The following KIAA0586 variants were observed in gnomAD, a reference collection of about 807,000 sequenced individuals.
The protein encoded by KIAA0586 is protein TALPID3.
A neutral mutation model predicts 169.8 loss-of-function variants in KIAA0586; 144 were observed. The observed-to-expected ratio is 0.85, with a 90% CI of 0.74 to 0.97. The LOEUF (loss-of-function observed/expected upper bound fraction) is 0.97, where lower values mean the gene tolerates loss of function less well. Ranked by LOEUF, KIAA0586 falls within the 50% of genes least tolerant of loss-of-function variation. KIAA0586 has a pLI of 0.00. For synonymous variants in KIAA0586, 625 were observed against 612.4 expected (o/e 1.02, Z -0.30); for missense variants, 1,854 against 1,823.0 (o/e 1.02, Z -0.31).
chr14:58,464,228 T>C, intron 14 of KIAA0586: 1 of 308,660 alleles, frequency 3.2e-6, no homozygotes, highest in Non-Finnish European at 6.2e-6. Context: ...AAGAGAAGAC[T>C]GAATGGCTTT....
At chr14:58,501,300 G>C (rs1173887039) in intron 27 of KIAA0586, among the ~76,000 whole-genome samples, 2 of 152,216 alleles carry the variant, frequency 1.3e-5, no homozygotes, top group African/African-American at 4.8e-5. Flanking sequence ...CACATAATGA[G>C]AGTATTAAAT....
At chr14:58,463,444 C>A (rs2040490882) in intron 14 of KIAA0586, among the ~76,000 whole-genome samples, 1 of 152,164 alleles carries the variant, frequency 6.6e-6, no homozygotes, top group South Asian at 2.1e-4. Context: ...GAAAAATATT[C>A]ATTCAATAGA....
At chr14:58,532,586 T>G (rs897907314) in intron 29 of KIAA0586, among the ~76,000 whole-genome samples, 9 of 152,112 alleles carry the variant, frequency 5.9e-5, no homozygotes, top group Non-Finnish European at 1.3e-4. Context: ...AAGAGCAAAA[T>G]AAAACAGGAT....
chr14:58,521,669 G>T, intron 29 of KIAA0586: 1 of 975,716 alleles, frequency 1.0e-6, no homozygotes, highest in South Asian at 1.3e-5. Flanking sequence ...CATTAAGAAG[G>T]AATTGACCCA....
Position 58,488,721 on chromosome 14 carries a change from A to G in KIAA0586, c.3628A>G (p.Thr1210Ala). The G allele has an allele frequency of 6.2e-7, 1 of 1,613,874 alleles. No individual in the cohort carries two copies. Among genetic ancestry groups the G allele is most frequent in the Non-Finnish European group, 8.5e-7 (1 of 1,179,834 alleles). Residue 1210 changes from threonine (T) to alanine (A), a missense_variant, in exon 24 of 31, where the codon ACC becomes GCC. Coordinates refer to ENST00000652326, the MANE Select transcript of KIAA0586 (RefSeq NM_001329943.3). ...TCCCTTTATGCCATTTCCTGCCGGCACCAAGGCCCCTTCCCCCTCACAGAT... is the reference window on the plus strand; with the variant it reads ...TCCCTTTATGCCATTTCCTGCCGGCGCCAAGGCCCCTTCCCCCTCACAGAT... ...PVPFMPFPAGTKAPSPSQMPG... is the reference protein window; with the variant it reads ...PVPFMPFPAGAKAPSPSQMPG...
At chr14:58,545,868 C>CA (rs760905918) in intron 30 of KIAA0586, among the ~76,000 whole-genome samples, 24 of 151,584 alleles carry the variant, frequency 1.6e-4, no homozygotes, top group African/African-American at 5.6e-4. Flanking sequence ...CCTCCCTCTA[C>CA]AAAAAATTTT....
intron 29 of KIAA0586, among the ~76,000 whole-genome samples, chr14:58,535,448 T>C (rs1300307607): frequency 6.6e-6 from 1 of 152,256 alleles, no homozygotes; most frequent in Non-Finnish European, 1.5e-5. Flanking sequence ...TGAATGTACA[T>C]TACTCAAGTT....
intron 4 of KIAA0586, among the ~76,000 whole-genome samples, chr14:58,434,320 A>C (rs2037629059): frequency 6.6e-6 from 1 of 152,210 alleles, no homozygotes; most frequent in Non-Finnish European, 1.5e-5. Context: ...AACTCACCAA[A>C]AATAACCATA....
In KIAA0586 at chr14:58,459,885, C is replaced by G; in HGVS notation, c.1699C>G (p.Gln567Glu). ...AGATTATGAACAAAAAAGATTTGAT[C>G]AGAAGAATCAGAGAACCAAGAAAGG... The part of the protein sequence containing the change: ...RTDYEQKRFD[Q>E]KNQRTKKGQN... Residue 567 changes from glutamine (Q) to glutamate (E), a missense_variant, in exon 13 of 31, where the codon CAG becomes GAG. Physicochemically the swap from Gln to Glu is conservative, Grantham distance 29 (BLOSUM62 2). Coordinates refer to ENST00000652326, the MANE Select transcript of KIAA0586 (RefSeq NM_001329943.3). The G allele has an allele frequency of 6.5e-7, 1 of 1,532,662 alleles. No homozygotes were observed. Among genetic ancestry groups the G allele is most frequent in the Non-Finnish European group, 8.7e-7 (1 of 1,145,390 alleles). The allele number at this position is 1,532,662 out of a possible 1,614,324, so 94.9% of individuals were successfully genotyped here. A position where few individuals can be genotyped will look rare whatever the true frequency, so the allele number is the denominator to read the frequency against.
chr14:58,476,975 C>T, intron 19 of KIAA0586, 148 bp from the exon 20 acceptor site: 2 of 542,532 alleles, frequency 3.7e-6, no homozygotes, highest in Non-Finnish European at 6.6e-6. Flanking sequence ...TTTTTTTCTT[C>T]TAGATTTAAC....
intron 27 of KIAA0586, 83 bp downstream of exon 27, chr14:58,499,043 G>C: frequency 8.1e-7 from 1 of 1,238,640 alleles, no homozygotes; most frequent in Non-Finnish European, 1.1e-6. Flanking sequence ...TTTTCAGATA[G>C]GGGCTTGCAA....
chr14:58,473,593 A>G (rs1443728441), intron 18 of KIAA0586, among the ~76,000 whole-genome samples: 3 of 152,210 alleles, frequency 2.0e-5, no homozygotes, highest in African/African-American at 4.8e-5. Flanking sequence ...TAAAGGAATT[A>G]CTGGGTAATT....
At position 58,486,030 on chromosome 14, in the gene KIAA0586, T is replaced by G. The variant is rs576629041; in HGVS notation, c.3145-977T>G. Among the ~76,000 whole-genome samples, 15 of 152,328 alleles carry G rather than the reference T, an allele frequency of 9.8e-5. No individual in the cohort carries two copies. In the South Asian group the frequency reaches 2.9e-3, roughly 29 times the overall value. On this transcript the variant is annotated intron_variant, in intron 21 of 30. Coordinates refer to ENST00000652326, the MANE Select transcript of KIAA0586 (RefSeq NM_001329943.3). ...GGGGTACATGTGTGGGATTGTTATA[T>G]GGATATACTGGACCCAGGTAGTAAG...
intron 29 of KIAA0586, among the ~76,000 whole-genome samples, chr14:58,532,921 G>A (rs2046071659): frequency 2.0e-5 from 3 of 152,260 alleles, no homozygotes; most frequent in Non-Finnish European, 4.4e-5. Flanking sequence ...AAATGTTATT[G>A]CTAAAATGTA....
rs766297378 is a variant in KIAA0586, at chr14:58,429,367, A to T, written c.204A>T (p.Ser68=). ...GTSLNGTSRG[S]SDLTSARNCY... is the part of the protein sequence containing the mutation. ...TCTATTCCTTTGTTTTGTTAGGTTC[A>T]TCAGACTTAACTTCTGCTAGAAATT... The change falls in exon 2 of 31, where the codon TCA becomes TCT. Residue 68 remains serine (S), a synonymous_variant. Transcript: ENST00000652326. 1 of 1,581,672 alleles carries T rather than the reference A, an allele frequency of 6.3e-7. No homozygotes were observed. The highest frequency in any genetic ancestry group is 1.1e-5 in the South Asian group (1 of 90,396).
chr14:58,475,959 G>A (rs2041583926), intron 19 of KIAA0586, among the ~76,000 whole-genome samples: 1 of 152,072 alleles, frequency 6.6e-6, no homozygotes, highest in Non-Finnish European at 1.5e-5. Flanking sequence ...AAAATTAGGT[G>A]CGATGGTGCA....
In KIAA0586 at chr14:58,444,073, A is replaced by G; in HGVS notation, c.705A>G (p.Gln235=). 2 of 1,613,562 alleles carry G rather than the reference A, an allele frequency of 1.2e-6. No homozygotes were observed. Among genetic ancestry groups the G allele is most frequent in the South Asian group, 1.1e-5 (1 of 91,010 alleles). ...AGCAAACAAGCATTCAGAGGAAACA[A>G]GAGAAATTACATTGTCATGATCACG... ...TEQQTSIQRK[Q]EKLHCHDHEK... The change falls in exon 6 of 31, where the codon CAA becomes CAG. Residue 235 remains glutamine, a synonymous_variant. Transcript: ENST00000652326.
chr14:58,509,899 A>T (rs1167123789), intron 28 of KIAA0586, among the ~76,000 whole-genome samples: 2 of 152,234 alleles, frequency 1.3e-5, no homozygotes, highest in Non-Finnish European at 2.9e-5. Flanking sequence ...AAGGCAAGCC[A>T]CTGACTGGGA....
intron 29 of KIAA0586, among the ~76,000 whole-genome samples, chr14:58,529,103 A>T (rs2045789044): frequency 6.6e-6 from 1 of 152,228 alleles, no homozygotes; most frequent in African/African-American, 2.4e-5. Context: ...TACAAAATCT[A>T]GAAGAAATGG....
Sources: allele counts gnomAD v4.1 joint callset (sites outside exome capture counted in the v4.1 genomes callset), GRCh38; gene constraint gnomAD v4.1.1; transcripts MANE v1.5; gene names NCBI Gene and HGNC (gene_info 2026-07-23, HGNC 2026-07-21).